Variants in RGPD8 observed in about 807,000 individuals in gnomAD.
The protein encoded by RGPD8 is RANBP2-like and GRIP domain-containing protein 8.
In RGPD8, 15 loss-of-function variants were observed where a neutral mutation model predicts 89.1. That is an observed-to-expected ratio of 0.17 (90% CI 0.11 to 0.26). The LOEUF is 0.26. RGPD8 is among the 10% of genes least tolerant of loss of function. The pLI is 1.00. For synonymous variants in RGPD8, 62 were observed against 420.9 expected (o/e 0.15, Z 10.44); for missense variants, 178 against 1,179.6 (o/e 0.15, Z 12.44).
chr2:112,373,312 ACG>A (rs1366094722), intron 22 of RGPD8, among the ~76,000 whole-genome samples: 2 of 152,292 alleles, frequency 1.3e-5, no homozygotes, highest in Admixed American at 6.5e-5. Context: ...TTACCTTATA[ACG>A]CAGAGTTGTA....
chr2:112,377,993 C>CCACCA (rs1678168732), intron 22 of RGPD8, 60 bp downstream of exon 22: 1 of 129,822 alleles, frequency 7.7e-6, no homozygotes, highest in Non-Finnish European at 1.5e-5. Context: ...AACTTCTCAA[C>CCACCA]CACCAGGCTG....
chr2:112,423,673 A>G (rs1574021307), intron 2 of RGPD8, among the ~76,000 whole-genome samples: 2 of 142,572 alleles, frequency 1.4e-5, no homozygotes, highest in East Asian at 2.1e-4. Context: ...CAGCTGCTGC[A>G]CTCCAGCCGG....
chr2:112,382,308 C>T (rs1360017050), intron 20 of RGPD8, among the ~76,000 whole-genome samples: 1 of 151,330 alleles, frequency 6.6e-6, no homozygotes, highest in African/African-American at 2.4e-5. Context: ...TCTAGAGAAC[C>T]CTAATACAAA....
intron 1 of RGPD8, among the ~76,000 whole-genome samples, chr2:112,427,893 G>A (rs2104837987): frequency 6.6e-6 from 1 of 152,102 alleles, no homozygotes; most frequent in African/African-American, 2.4e-5. Context: ...TAAGGGTAAG[G>A]AAATCTCTCA....
intron 1 of RGPD8, among the ~76,000 whole-genome samples, chr2:112,429,607 A>T (rs778024406): frequency 6.6e-6 from 1 of 152,000 alleles, no homozygotes; most frequent in Non-Finnish European, 1.5e-5. Context: ...CAGAGGTAGG[A>T]GGATCATTTA....
intron 19 of RGPD8, among the ~76,000 whole-genome samples, chr2:112,390,631 G>A (rs1678662001): frequency 7.5e-6 from 1 of 133,514 alleles, no homozygotes; most frequent in Non-Finnish European, 1.7e-5. Context: ...GTAATATTGA[G>A]TCTTCAATCA....
chr2:112,423,758 C>T (rs1406532147), intron 2 of RGPD8, among the ~76,000 whole-genome samples: 1 of 152,102 alleles, frequency 6.6e-6, no homozygotes, highest in Non-Finnish European at 1.5e-5. Context: ...TAATCCACTC[C>T]CAGCCAGGAA....
rs1296028310 is a variant in RGPD8, at chr2:112,421,980, G to A, written c.385C>T (p.Pro129Ser). The A allele has an allele frequency of 1.9e-5, 1 of 52,806 alleles. No individual in the cohort carries two copies. The highest frequency in any genetic ancestry group is 1.4e-4 in the South Asian group (1 of 7,170). The allele number at this position is 52,806 out of a possible 1,614,324, so 3.3% of individuals were successfully genotyped here. A position where few individuals can be genotyped will look rare whatever the true frequency, so the allele number is the denominator to read the frequency against. The change falls in exon 4 of 23, where the codon CCT becomes TCT. Residue 129 changes from proline to serine, a missense_variant. Coordinates refer to ENST00000302558, the MANE Select transcript of RGPD8 (RefSeq NM_001164463.1). Reference protein sequence around the residue: ...ERAAKLFPGSPAIYKLKEQLL... With the variant: ...ERAAKLFPGSSAIYKLKEQLL... ...TTTACCTTTAGTTTATAAATTGCAG[G>A]ACTTCCTGGGAAAAGTTTTGCTGCT...
At chr2:112,377,074 CAA>C (rs1196008220) in intron 22 of RGPD8, among the ~76,000 whole-genome samples, 1 of 87,410 alleles carries the variant, frequency 1.1e-5, no homozygotes, top group Admixed American at 1.3e-4. Flanking sequence ...GGTGACAACT[CAA>C]GAGAGATTAT....
intron 1 of RGPD8, among the ~76,000 whole-genome samples, chr2:112,429,687 G>C (rs1285863691): frequency 6.6e-6 from 1 of 152,118 alleles, no homozygotes; most frequent in Non-Finnish European, 1.5e-5. Context: ...AATAAGAGCT[G>C]TCAAGTAGAC....
intron 6 of RGPD8, among the ~76,000 whole-genome samples, chr2:112,415,770 C>T (rs1679376959): frequency 7.2e-6 from 1 of 139,592 alleles, no homozygotes; most frequent in Non-Finnish European, 1.5e-5. Context: ...GTAGTCCCAC[C>T]TATTCAGGAG....
Position 112,422,538 on chromosome 2 carries a change from T to C in RGPD8, c.252+10A>G. On this transcript the variant is annotated intron_variant, in intron 3 of 22. Transcript: ENST00000302558. Reference sequence around the variant, plus strand: ...CTATGCAAAGGCTATATTTGAATCCTATAACTTACCCTGTAACATTCAACG... The same window carrying C: ...CTATGCAAAGGCTATATTTGAATCCCATAACTTACCCTGTAACATTCAACG... 1 of 1,610,474 alleles carries C rather than the reference T, an allele frequency of 6.2e-7. No homozygotes were observed. Among genetic ancestry groups the C allele is most frequent in the Non-Finnish European group, 8.5e-7 (1 of 1,179,206 alleles).
chr2:112,374,858 C>CT (rs780008775), intron 22 of RGPD8, among the ~76,000 whole-genome samples: 15,016 of 101,104 alleles, frequency 0.15, 550 homozygotes, highest in African/African-American at 0.25. Context: ...AGTTTACATT[C>CT]TTTTTTTTTT....
intron 21 of RGPD8, among the ~76,000 whole-genome samples, chr2:112,379,676 T>C (rs1193137299): frequency 2.2e-5 from 3 of 133,820 alleles, no homozygotes; most frequent in African/African-American, 7.9e-5. Flanking sequence ...GCTATGATAA[T>C]GTTTTTATTA....
At chr2:112,409,814 A>C (rs1171937490) in intron 7 of RGPD8, among the ~76,000 whole-genome samples, 6 of 144,542 alleles carry the variant, frequency 4.2e-5, no homozygotes, top group African/African-American at 1.7e-4. Flanking sequence ...CCAAAACTAC[A>C]TATCAAAAAA....
intron 22 of RGPD8, among the ~76,000 whole-genome samples, chr2:112,377,285 T>G (rs1355704881): frequency 1.2e-5 from 1 of 84,818 alleles, no homozygotes; most frequent in African/African-American, 4.4e-5. Flanking sequence ...TCATAGTTTT[T>G]TTTTTTTTTT....
intron 21 of RGPD8, among the ~76,000 whole-genome samples, chr2:112,379,113 T>TA (rs1488903326): frequency 6.9e-6 from 1 of 144,940 alleles, no homozygotes; most frequent in Middle Eastern, 3.2e-3. Flanking sequence ...AAGAACAATA[T>TA]AAAAAAGGTA....
At chr2:112,423,732 T>C (rs1679637263) in intron 2 of RGPD8, among the ~76,000 whole-genome samples, 1 of 151,026 alleles carries the variant, frequency 6.6e-6, no homozygotes, top group Non-Finnish European at 1.5e-5. Context: ...CCTGCCTCCC[T>C]CTTAATTTCC....
chr2:112,429,839 G>A (rs1159414010), intron 1 of RGPD8, among the ~76,000 whole-genome samples: 1 of 152,006 alleles, frequency 6.6e-6, no homozygotes, highest in Non-Finnish European at 1.5e-5. Flanking sequence ...ACAGAGTCTC[G>A]CTCTGTCACA....
Sources: gnomAD v4.1 joint callset for allele counts (sites outside exome capture counted in the v4.1 genomes callset) on GRCh38, gnomAD v4.1.1 for gene constraint, MANE v1.5 for transcripts, NCBI Gene and HGNC (gene_info 2026-07-23, HGNC 2026-07-21) for gene names.